The following RPS6KA6 variants were observed in gnomAD, a reference collection of about 807,000 sequenced individuals.
RPS6KA6 encodes the protein ribosomal protein S6 kinase A6.
In RPS6KA6, 27 loss-of-function variants were observed where a neutral mutation model predicts 65.4. That is an observed-to-expected ratio of 0.41 (90% confidence interval 0.30 to 0.57). The LOEUF (loss-of-function observed/expected upper bound fraction) is 0.57. Among genes scored for constraint, RPS6KA6 ranks in the 20% least tolerant of loss-of-function variants. The pLI is 0.24. For missense variants in RPS6KA6, 486 were observed against 555.6 expected (o/e 0.87, Z 1.26); for synonymous variants, 190 against 184.2 (o/e 1.03, Z -0.26).
rs1370056435 is a variant in RPS6KA6 at position 84,060,021 on chromosome X, T to C, written c.*4256A>G. 8.9e-6 allele frequency: 1 copy of C among 111,880 alleles called. No individual in the cohort carries two copies. Among genetic ancestry groups the C allele is most frequent in the Non-Finnish European group, 1.9e-5 (1 of 53,161 alleles). 9.2% of individuals were successfully genotyped at this position (111,880 alleles called of 1,213,427 possible). On this transcript the variant is annotated 3_prime_UTR_variant, in exon 22 of 22. Transcript: ENST00000262752. ...CTTATGTATTAGCAACCAAACTGAA[T>C]TTTAGGTGATCAAGCATAACATTTT...
At chrX:84,070,925 AC>A (rs902156855) in intron 20 of RPS6KA6, among the ~76,000 whole-genome samples, 2 of 111,614 alleles carry the variant, frequency 1.8e-5, no homozygotes, top group Non-Finnish European at 3.8e-5. Context: ...TTAAAAAAAA[AC>A]ATAAAATATA....
At chrX:84,142,623 A>G (rs1359360674) in intron 6 of RPS6KA6, among the ~76,000 whole-genome samples, 1 of 111,646 alleles carries the variant, frequency 9.0e-6, no homozygotes, top group Non-Finnish European at 1.9e-5. Flanking sequence ...ACAAAAACAG[A>G]GCAAACATGA....
At chrX:84,164,705 T>C (rs1245571240) in intron 1 of RPS6KA6, among the ~76,000 whole-genome samples, 2 of 111,735 alleles carry the variant, frequency 1.8e-5, no homozygotes, top group Non-Finnish European at 3.8e-5. Flanking sequence ...CAAGTATTTA[T>C]GACAGGAAAA....
chrX:84,088,655 G>A (rs1382548643), intron 20 of RPS6KA6, among the ~76,000 whole-genome samples: 2 of 112,165 alleles, frequency 1.8e-5, no homozygotes, highest in Non-Finnish European at 3.8e-5. Flanking sequence ...TGGTAGAGCA[G>A]GTGTGCTGCA....
At chrX:84,075,620 G>C (rs2033649142) in intron 20 of RPS6KA6, among the ~76,000 whole-genome samples, 1 of 110,248 alleles carries the variant, frequency 9.1e-6, no homozygotes, top group Non-Finnish European at 1.9e-5. Context: ...CCAAGACACA[G>C]AGAAAACCTT....
intron 16 of RPS6KA6, among the ~76,000 whole-genome samples, chrX:84,105,132 G>T (rs891631024): frequency 4.6e-5 from 5 of 109,870 alleles, no homozygotes; most frequent in African/African-American, 1.6e-4. Context: ...AAACAAATAA[G>T]AAAAGTATTT....
At chrX:84,070,494 G>T (rs762666714) in intron 20 of RPS6KA6, among the ~76,000 whole-genome samples, 1 of 110,597 alleles carries the variant, frequency 9.0e-6, no homozygotes, top group Non-Finnish European at 1.9e-5. Context: ...AAACCACCAT[G>T]GCACATGTAT....
In RPS6KA6 at chrX:84,127,777, T is replaced by TAA. The variant is rs376097643; in HGVS notation, c.646+7003_646+7004dup. On this transcript the variant is annotated intron_variant, in intron 8 of 21. Transcript: ENST00000262752. ...AATGAAACTCAACATCTCTTCATGA[T>TAA]AAAAAAAAAAACCCTCAGAAAATTG... is the stretch of plus-strand genomic sequence containing the variant. Among the ~76,000 whole-genome samples the TAA allele has an allele frequency of 2.1e-3, 210 of 99,591 alleles. 2 individuals are homozygous for TAA. The highest frequency in any genetic ancestry group is 0.01 in the South Asian group (24 of 2,306). The allele number at this position is 99,591 out of a possible 115,157, so 86.5% of individuals were successfully genotyped here. A position where few individuals can be genotyped will look rare whatever the true frequency, so the allele number is the denominator to read the frequency against.
chrX:84,161,920 T>C (rs2035520097), intron 2 of RPS6KA6, among the ~76,000 whole-genome samples: 1 of 111,912 alleles, frequency 8.9e-6, no homozygotes, highest in Non-Finnish European at 1.9e-5. Context: ...ATTGATAGCA[T>C]TAAAAATATG....
At chrX:84,117,512 G>T in intron 9 of RPS6KA6, 58 bp from the exon 10 acceptor site, 1 of 731,063 alleles carries the variant, frequency 1.4e-6, no homozygotes, top group Non-Finnish European at 1.9e-6. Context: ...TATATAATAA[G>T]ATTCTCTAGA....
At chrX:84,132,576 T>C (rs1419641070) in intron 8 of RPS6KA6, among the ~76,000 whole-genome samples, 2 of 110,751 alleles carry the variant, frequency 1.8e-5, no homozygotes, top group Admixed American at 1.9e-4. Flanking sequence ...AGGCAAGTCA[T>C]ATTATAAAGT....
intron 1 of RPS6KA6, among the ~76,000 whole-genome samples, chrX:84,175,530 G>T (rs1001093604): frequency 1.8e-5 from 2 of 111,258 alleles, no homozygotes; most frequent in Non-Finnish European, 3.8e-5. Flanking sequence ...GCTATGCAAA[G>T]CAAGAATACG....
chrX:84,075,433 T>G (rs1256209703), intron 20 of RPS6KA6, among the ~76,000 whole-genome samples: 1 of 111,510 alleles, frequency 9.0e-6, no homozygotes, highest in Non-Finnish European at 1.9e-5. Flanking sequence ...TATATGCAGT[T>G]GAAGTCCCAG....
At chrX:84,106,341 G>C (rs370776748) in intron 15 of RPS6KA6, 24 bp downstream of exon 15, 2 of 1,187,154 alleles carry the variant, frequency 1.7e-6, no homozygotes, top group South Asian at 1.9e-5. Context: ...AAACAAACAA[G>C]AAAGCTAGGC....
rs2033299179 is a variant in RPS6KA6, at chrX:84,061,377, C to CCAAA, written c.*2896_*2899dup. 1 of 111,572 alleles carries CCAAA rather than the reference C, an allele frequency of 9.0e-6. No homozygotes were observed. The highest frequency in any genetic ancestry group is 3.3e-5 in the African/African-American group (1 of 30,648). The allele number at this position is 111,572 out of a possible 1,213,427, so 9.2% of individuals were successfully genotyped here. A position where few individuals can be genotyped will look rare whatever the true frequency, so the allele number is the denominator to read the frequency against. On this transcript the variant is annotated 3_prime_UTR_variant, in exon 22 of 22. Transcript: ENST00000262752. ...CCTAAACATATGGAATCCCTTTGAGCCAAACAGAGGTGCTATCAAAATTGT... is the reference window on the plus strand; with the variant it reads ...CCTAAACATATGGAATCCCTTTGAGCCAAACAAACAGAGGTGCTATCAAAATTGT...
chrX:84,186,171 C>T, intron 1 of RPS6KA6: 1 of 484,627 alleles, frequency 2.1e-6, no homozygotes, highest in Non-Finnish European at 3.6e-6. Context: ...CTAAAACATA[C>T]TGCAAACAAT....
intron 7 of RPS6KA6, 103 bp from the exon 8 acceptor site, chrX:84,134,922 T>C: frequency 1.6e-6 from 1 of 644,564 alleles, no homozygotes; most frequent in Non-Finnish European, 2.3e-6. Context: ...CTATTTAATA[T>C]ATGTAAAAAA....
At chrX:84,096,906 T>G (rs932020588) in intron 19 of RPS6KA6, among the ~76,000 whole-genome samples, 1 of 111,172 alleles carries the variant, frequency 9.0e-6, no homozygotes, top group African/African-American at 3.3e-5. Flanking sequence ...ACCCTTAACT[T>G]CAGTATTTAC....
At chrX:84,095,392 G>T (rs754286583) in intron 20 of RPS6KA6, among the ~76,000 whole-genome samples, 78 of 111,743 alleles carry the variant, frequency 7.0e-4, no homozygotes, top group African/African-American at 2.5e-3. Context: ...AATTATAAAT[G>T]TAAGAAATTA....
Sources: allele counts gnomAD v4.1 joint callset (sites outside exome capture counted in the v4.1 genomes callset), GRCh38; gene constraint gnomAD v4.1.1; transcripts MANE v1.5; gene names NCBI Gene and HGNC (gene_info 2026-07-23, HGNC 2026-07-21).